The following ABL1 variants were observed in gnomAD, a reference collection of about 807,000 sequenced individuals.
ABL1 encodes the protein ABL proto-oncogene 1, non-receptor tyrosine kinase, also known as tyrosine-protein kinase ABL1.
In ABL1, 11 loss-of-function variants were observed where a neutral mutation model predicts 94.7. The ratio of observed to expected loss-of-function variants is 0.12; its 90% CI spans 0.07 to 0.19. The LOEUF is 0.19. Among genes scored for constraint, ABL1 ranks in the 10% least tolerant of loss-of-function variants. The pLI, the probability that ABL1 is intolerant of heterozygous loss-of-function variation, is 1.00. For missense variants in ABL1, 1,082 were observed against 1,489.4 expected (o/e 0.73, Z 4.50); for synonymous variants, 656 against 622.4 (o/e 1.05, Z -0.80).
At chr9:130,854,318 C>A in intron 2 of ABL1, 81 bp downstream of exon 2, 1 of 1,485,874 alleles carries the variant, frequency 6.7e-7, no homozygotes, top group South Asian at 1.3e-5. Flanking sequence ...ACCCTTTGCT[C>A]GTTAAAGGAG....
At position 130,835,915 on chromosome 9, in the gene ABL1, C is replaced by G. The variant is rs1417871193; in HGVS notation, c.79+390C>G. Among the ~76,000 whole-genome samples, 1 of 152,210 alleles carries G rather than the reference C, an allele frequency of 6.6e-6. No individual in the cohort carries two copies. The highest frequency in any genetic ancestry group is 1.5e-5 in the Non-Finnish European group (1 of 68,042). On this transcript the variant is annotated intron_variant, in intron 1 of 10. Coordinates refer to ENST00000318560, the MANE Select transcript of ABL1 (RefSeq NM_005157.6). The surrounding 1 kb of genome is among the most constrained non-coding windows in gnomAD (Gnocchi z 4.6). ...GCTCCCCCGAAAAAGTTTGAGAAAG[C>G]CAACTCGCCAGGCCTTAACATCCCT...
intron 3 of ABL1, among the ~76,000 whole-genome samples, chr9:130,860,159 C>G (rs542308704): frequency 2.1e-4 from 32 of 152,318 alleles, no homozygotes; most frequent in African/African-American, 7.5e-4. Context: ...CTGATGATTA[C>G]ACAGTTCCCC....
At chr9:130,853,149 C>T (rs1455157181) in intron 1 of ABL1, among the ~76,000 whole-genome samples, 1 of 140,462 alleles carries the variant, frequency 7.1e-6, no homozygotes, top group African/African-American at 2.6e-5. Context: ...ATTTTAAGCC[C>T]TTCTGTACGA....
intron 1 of ABL1, among the ~76,000 whole-genome samples, chr9:130,806,643 A>G (rs968571563): frequency 2.2e-5 from 3 of 138,930 alleles, no homozygotes; most frequent in Non-Finnish European, 4.5e-5. Flanking sequence ...AGTGAAGTGA[A>G]GACTGTCTCA....
intron 4 of ABL1, among the ~76,000 whole-genome samples, chr9:130,869,405 A>G (rs565303375): frequency 1.3e-5 from 2 of 152,242 alleles, no homozygotes; most frequent in Non-Finnish European, 2.9e-5. Context: ...AGATACTGAC[A>G]TTCTTTCTGT....
chr9:130,809,423 T>A (rs1013399017), intron 1 of ABL1, among the ~76,000 whole-genome samples: 75 of 144,754 alleles, frequency 5.2e-4, no homozygotes, highest in African/African-American at 1.2e-3. Flanking sequence ...AGAGAGTGTG[T>A]GTGTGTGTGT....
intron 1 of ABL1, among the ~76,000 whole-genome samples, chr9:130,819,124 C>T (rs777181078): frequency 7.2e-5 from 11 of 152,232 alleles, no homozygotes; most frequent in East Asian, 1.9e-4. Context: ...GAGGCCGAGG[C>T]GGTTAGATCA....
intron 1 of ABL1, among the ~76,000 whole-genome samples, chr9:130,728,198 G>A (rs1404632052): frequency 2.7e-5 from 4 of 149,424 alleles, no homozygotes; most frequent in African/African-American, 1.0e-4. Context: ...TGAGTAGCTG[G>A]GACTATGGGC....
At chr9:130,843,062 A>G (rs892682714) in intron 1 of ABL1, among the ~76,000 whole-genome samples, 5 of 152,168 alleles carry the variant, frequency 3.3e-5, no homozygotes, top group African/African-American at 7.2e-5. Context: ...TTTCAACTTT[A>G]CTATCTGTCA....
At chr9:130,804,489 C>T (rs893818840) in intron 1 of ABL1, among the ~76,000 whole-genome samples, 5 of 152,202 alleles carry the variant, frequency 3.3e-5, no homozygotes, top group African/African-American at 1.2e-4. Flanking sequence ...GAGGCTGAGG[C>T]AGGAGAATCG....
In ABL1 at chr9:130,862,907, T is replaced by C; in HGVS notation, c.694T>C (p.Tyr232His). 6.2e-7 allele frequency: 1 copy of C among 1,614,068 alleles called. No homozygotes were observed. Among genetic ancestry groups the C allele is most frequent in the Non-Finnish European group, 8.5e-7 (1 of 1,180,008 alleles). The change falls in exon 4 of 11, where the codon TAC (tyrosine) becomes CAC (histidine). Residue 232 changes from tyrosine to histidine, a missense_variant. Tyr to His is a moderately conservative substitution (Grantham distance 83). Around this residue, in one of 7 missense-constraint regions of ABL1, gnomAD observed 92 missense variants for 212.3 expected, o/e 0.43. Transcript: ENST00000318560. The surrounding 1 kb of genome is among the most constrained non-coding windows in gnomAD (Gnocchi z 5.5). ...KPTVYGVSPNYDKWEMERTDI... is the reference protein window; with the variant it reads ...KPTVYGVSPNHDKWEMERTDI... ...CACTGTCTATGGTGTGTCCCCCAACTACGACAAGTGGGAGATGGAACGCAC... is the reference window on the plus strand; with the variant it reads ...CACTGTCTATGGTGTGTCCCCCAACCACGACAAGTGGGAGATGGAACGCAC...
intron 7 of ABL1, among the ~76,000 whole-genome samples, chr9:130,877,594 A>G (rs1306440711): frequency 2.0e-5 from 3 of 146,496 alleles, no homozygotes; most frequent in Non-Finnish European, 4.5e-5. Flanking sequence ...CTCCTCTAGC[A>G]TGTTTGTGGG....
At chr9:130,777,287 G>T (rs1829677158) in intron 1 of ABL1, among the ~76,000 whole-genome samples, 1 of 152,232 alleles carries the variant, frequency 6.6e-6, no homozygotes, top group South Asian at 2.1e-4. Context: ...AAGGGGTGTT[G>T]GGAGTCCTAT....
At chr9:130,807,267 G>A (rs1830137809) in intron 1 of ABL1, among the ~76,000 whole-genome samples, 1 of 152,010 alleles carries the variant, frequency 6.6e-6, no homozygotes, top group Non-Finnish European at 1.5e-5. Flanking sequence ...TTGTTGTTTT[G>A]ACATGCAGTC....
intron 1 of ABL1, among the ~76,000 whole-genome samples, chr9:130,730,585 T>C (rs1831651651): frequency 6.6e-6 from 1 of 152,298 alleles, no homozygotes; most frequent in Admixed American, 6.5e-5. Flanking sequence ...TTTTTTTCTT[T>C]GTTTGAGGCA....
chr9:130,724,104 G>A (rs7024260), intron 1 of ABL1, among the ~76,000 whole-genome samples: 43,588 of 151,788 alleles, frequency 0.29, 9,202 homozygotes, highest in African/African-American at 0.57. Flanking sequence ...GCCACCATGC[G>A]TGGCCTTTTA....
intron 1 of ABL1, among the ~76,000 whole-genome samples, chr9:130,739,569 A>G (rs1222793557): frequency 6.6e-6 from 1 of 152,228 alleles, no homozygotes; most frequent in Non-Finnish European, 1.5e-5. Context: ...ATGATACTTT[A>G]ACCCCTATTC....
At chr9:130,730,267 C>T (rs937500661) in intron 1 of ABL1, among the ~76,000 whole-genome samples, 4 of 151,890 alleles carry the variant, frequency 2.6e-5, no homozygotes, top group African/African-American at 9.7e-5. Flanking sequence ...GTCTCGAACG[C>T]CCAACCTCAG....
chr9:130,819,586 C>T (rs1313302897), intron 1 of ABL1, among the ~76,000 whole-genome samples: 2 of 141,020 alleles, frequency 1.4e-5, no homozygotes, highest in Non-Finnish European at 3.0e-5. Flanking sequence ...TCACCCAGGC[C>T]GGAGTGCAGT....
Sources: gnomAD v4.1 joint callset for allele counts (sites outside exome capture counted in the v4.1 genomes callset) on GRCh38, gnomAD v4.1.1 for gene constraint, gnomAD v4.1.1 regional missense constraint, Gnocchi (gnomAD v3.1) non-coding constraint, MANE v1.5 for transcripts, NCBI Gene and HGNC (gene_info 2026-07-23, HGNC 2026-07-21) for gene names.